The following ZNF674 variants were observed in gnomAD, a reference collection of about 807,000 sequenced individuals.
ZNF674 encodes the protein zinc finger protein 674.
In ZNF674, 2 loss-of-function variants were observed where a neutral mutation model predicts 7.0. The observed-to-expected ratio is 0.29, with a 90% CI of 0.12 to 0.90. The LOEUF (loss-of-function observed/expected upper bound fraction) is 0.90. Ranked by LOEUF, ZNF674 falls within the 40% of genes least tolerant of loss-of-function variation. ZNF674 has a pLI of 0.57. For synonymous variants in ZNF674, 103 were observed against 145.2 expected (o/e 0.71, Z 2.09); for missense variants, 297 against 415.5 (o/e 0.71, Z 2.48).
intron 5 of ZNF674, among the ~76,000 whole-genome samples, chrX:46,515,196 C>A (rs1455676927): frequency 2.7e-5 from 3 of 110,016 alleles, no homozygotes; most frequent in Non-Finnish European, 5.7e-5. Flanking sequence ...TGGCAAAACC[C>A]CATCTCTACT....
At position 46,499,807 on chromosome X, in the gene ZNF674, T is replaced by A; in HGVS notation, c.*36A>T. 1 of 1,011,224 alleles carries A rather than the reference T, an allele frequency of 9.9e-7. No homozygotes were observed. The highest frequency in any genetic ancestry group is 1.3e-6 in the Non-Finnish European group (1 of 763,818). 83.3% of individuals were successfully genotyped at this position (1,011,224 alleles called of 1,213,427 possible). ...AGACTAGTAATAGTCAAATGACAAA[T>A]AACTACTAGTATAATTATCCCACTC... On this transcript the variant is annotated 3_prime_UTR_variant, in exon 6 of 6. Transcript: ENST00000683375.
At chrX:46,527,534 A>G (rs1214863716) in intron 5 of ZNF674, among the ~76,000 whole-genome samples, 2 of 112,140 alleles carry the variant, frequency 1.8e-5, no homozygotes, top group Non-Finnish European at 3.8e-5. Flanking sequence ...AAAAAGTGGT[A>G]TAGCCATGTT....
chrX:46,513,266 A>C (rs1941698257), intron 5 of ZNF674, among the ~76,000 whole-genome samples: 1 of 111,959 alleles, frequency 8.9e-6, no homozygotes, highest in Non-Finnish European at 1.9e-5. Context: ...GTCTCAAAAA[A>C]AAAACAAAAA....
chrX:46,512,791 G>A (rs972299724), intron 5 of ZNF674, among the ~76,000 whole-genome samples: 3 of 107,647 alleles, frequency 2.8e-5, no homozygotes, highest in Non-Finnish European at 3.8e-5. Context: ...TACACAAAAA[G>A]CAAACTAAAA....
intron 5 of ZNF674, among the ~76,000 whole-genome samples, chrX:46,513,138 C>T (rs1391557235): frequency 1.8e-5 from 2 of 111,109 alleles, no homozygotes; most frequent in East Asian, 2.8e-4. Flanking sequence ...TGGCACACAC[C>T]TGTAGTCTCA....
chrX:46,504,873 AT>A (rs1428808916), intron 5 of ZNF674, among the ~76,000 whole-genome samples: 3 of 109,555 alleles, frequency 2.7e-5, no homozygotes, highest in Admixed American at 9.8e-5. Context: ...TTTTCTTTTT[AT>A]TTTTTTAATT....
chrX:46,500,165 C>T lies in ZNF674; in HGVS notation c.1409G>A (p.Gly470Glu). The change falls in exon 6 of 6, where the codon GGG becomes GAG. Residue 470 changes from glycine to glutamate, a missense_variant. Gly to Glu is a moderately conservative substitution (Grantham distance 98, BLOSUM62 -2). Transcript: ENST00000683375. ...GEKPYKCNEC[G>E]KAFSEKSPLI... ...TGGTGACTTCTCACTAAAGGCTTTC[C>T]CACATTCGTTGCATTTATAGGGTTT... 2 of 1,211,152 alleles carry T rather than the reference C, an allele frequency of 1.7e-6. No individual in the cohort carries two copies. The highest frequency in any genetic ancestry group is 2.2e-6 in the Non-Finnish European group (2 of 895,208).
intron 3 of ZNF674, among the ~76,000 whole-genome samples, chrX:46,541,628 C>T (rs998846571): frequency 4.5e-5 from 5 of 111,733 alleles, no homozygotes; most frequent in Admixed American, 9.6e-5. Context: ...CAGTTTCACC[C>T]AACTGTTAAC....
intron 5 of ZNF674, among the ~76,000 whole-genome samples, chrX:46,504,882 A>G (rs1941501975): frequency 9.2e-6 from 1 of 108,964 alleles, no homozygotes; most frequent in Admixed American, 9.9e-5. Flanking sequence ...TATTTTTTTA[A>G]TTTTATTTAT....
intron 5 of ZNF674, among the ~76,000 whole-genome samples, chrX:46,522,294 A>G (rs1476328667): frequency 9.1e-6 from 1 of 109,997 alleles, no homozygotes; most frequent in African/African-American, 3.3e-5. Flanking sequence ...AAATGTTCCT[A>G]GCAAACATGT....
rs377542045 is a variant in ZNF674, at chrX:46,528,228, G to A, written c.238+122C>T. ...CATGACAACAGTTCTGCTCATCAGA[G>A]CCTAGGCATGTCCACAAGTCCGAGG... On this transcript the variant is annotated intron_variant, in intron 5 of 5. Coordinates refer to ENST00000683375, the MANE Select transcript of ZNF674 (RefSeq NM_001190417.2). 25 of 693,958 alleles carry A rather than the reference G, an allele frequency of 3.6e-5. No homozygotes were observed. The East Asian group carries it at 4.0e-4, about 11-fold the overall frequency. The allele number at this position is 693,958 out of a possible 1,213,427, so 57.2% of individuals were successfully genotyped here. A position where few individuals can be genotyped will look rare whatever the true frequency, so the allele number is the denominator to read the frequency against.
intron 5 of ZNF674, among the ~76,000 whole-genome samples, chrX:46,526,689 CCT>C (rs1429615410): frequency 9.0e-6 from 1 of 111,386 alleles, no homozygotes; most frequent in African/African-American, 3.3e-5. Flanking sequence ...CAAAAAGCCC[CCT>C]GACCCTCACC....
chrX:46,540,582 G>A (rs1217086846), intron 3 of ZNF674, among the ~76,000 whole-genome samples: 1 of 111,517 alleles, frequency 9.0e-6, no homozygotes, highest in Non-Finnish European at 1.9e-5. Flanking sequence ...CTGGAAAAAT[G>A]GAACGCAGAA....
chrX:46,512,218 C>T (rs1052026001), intron 5 of ZNF674, among the ~76,000 whole-genome samples: 2 of 106,076 alleles, frequency 1.9e-5, no homozygotes, highest in African/African-American at 6.9e-5. Context: ...CAAAATTAGC[C>T]GGCCGTGGTG....
chrX:46,500,940 T>C lies in ZNF674; in HGVS notation c.634A>G (p.Ser212Gly). 3 of 1,191,934 alleles carry C rather than the reference T, an allele frequency of 2.5e-6. No individual in the cohort carries two copies. Among genetic ancestry groups the C allele is most frequent in the Non-Finnish European group, 2.3e-6 (2 of 885,009 alleles). ...QKQALRKSQRSQTGEKLYKCT... is the reference protein window; with the variant it reads ...QKQALRKSQRGQTGEKLYKCT... The stretch of plus-strand genomic sequence containing the variant: ...TTGTAGAGTTTCTCCCCAGTTTGAC[T>C]TCTCTGACTTTTTCTAAGGGCTTGC... The change falls in exon 6 of 6, where the codon AGT becomes GGT. Residue 212 changes from serine to glycine, a missense_variant. Physicochemically the swap from Ser to Gly is moderately conservative, Grantham distance 56. Coordinates refer to ENST00000683375, the MANE Select transcript of ZNF674 (RefSeq NM_001190417.2).
rs765359306 is a variant in ZNF674 at position 46,539,204 on chromosome X, A to G, written c.15+2869T>C. Among the ~76,000 whole-genome samples, 8 of 112,095 alleles carry G rather than the reference A, an allele frequency of 7.1e-5. No homozygotes were observed. The East Asian group carries it at 2.0e-3, about 27-fold the overall frequency. ...TGTCTCCAAAAAACAAACAAACAAAAAATATGAAAAGACACTAATTTCAGG... is the reference window on the plus strand; with the variant it reads ...TGTCTCCAAAAAACAAACAAACAAAGAATATGAAAAGACACTAATTTCAGG... On this transcript the variant is annotated intron_variant, in intron 3 of 5. Transcript: ENST00000683375.
intron 3 of ZNF674, among the ~76,000 whole-genome samples, chrX:46,530,483 A>G (rs1942091740): frequency 9.0e-6 from 1 of 111,348 alleles, no homozygotes; most frequent in Admixed American, 9.6e-5. Context: ...GGGCCCAGTT[A>G]CATATCACTG....
Position 46,500,220 on chromosome X carries a change from T to C in ZNF674, c.1354A>G (p.Ile452Val), listed in dbSNP as rs369331033. Residue 452 changes from isoleucine to valine, a missense_variant, in exon 6 of 6, where the codon ATT (isoleucine) becomes GTT (valine). Coordinates refer to ENST00000683375, the MANE Select transcript of ZNF674 (RefSeq NM_001190417.2). Reference protein sequence around the residue: ...GKAFGEKSTLIVHQRMHTGEK... With the variant: ...GKAFGEKSTLVVHQRMHTGEK... The stretch of plus-strand genomic sequence containing the variant: ...CCTGTATGCATTCTCTGATGTACAA[T>C]AAGGGTTGACTTCTCCCCAAAGGCT... 6 of 1,209,255 alleles carry C rather than the reference T, an allele frequency of 5.0e-6. No individual in the cohort carries two copies. The African/African-American group carries it at 1.1e-4, about 21-fold the overall frequency.
chrX:46,543,263 A>G (rs1047869319), intron 2 of ZNF674, among the ~76,000 whole-genome samples: 5 of 112,514 alleles, frequency 4.4e-5, no homozygotes, highest in Admixed American at 9.5e-5. Flanking sequence ...CTCAAACAGC[A>G]TTTATTCAAA....
Sources: gnomAD v4.1 joint callset for allele counts (sites outside exome capture counted in the v4.1 genomes callset) on GRCh38, gnomAD v4.1.1 for gene constraint, MANE v1.5 for transcripts, NCBI Gene and HGNC (gene_info 2026-07-23, HGNC 2026-07-21) for gene names.